MRPL1: variants seen among roughly 807,000 people sequenced by gnomAD.
MRPL1 encodes large ribosomal subunit protein uL1m.
MRPL1 carries 28 observed loss-of-function variants against 38.0 expected under a neutral mutation model. The ratio of observed to expected loss-of-function variants is 0.74; its 90% CI spans 0.55 to 1.01. MRPL1 has a LOEUF of 1.01. Ranked by LOEUF, MRPL1 falls within the 50% of genes least tolerant of loss-of-function variation. The pLI, the probability that MRPL1 is intolerant of heterozygous loss-of-function variation, is 0.00. For missense variants in MRPL1, 358 were observed against 389.8 expected (o/e 0.92, Z 0.69); for synonymous variants, 123 against 126.7 (o/e 0.97, Z 0.20).
chr4:77,951,314 C>G (rs1221923990), intron 8 of MRPL1, among the ~76,000 whole-genome samples: 1 of 152,188 alleles, frequency 6.6e-6, no homozygotes, highest in Non-Finnish European at 1.5e-5. Flanking sequence ...ACATTTCCAT[C>G]AAATGTAAAT....
chr4:77,931,223 G>A (rs1342403107), intron 7 of MRPL1, among the ~76,000 whole-genome samples: 1 of 152,204 alleles, frequency 6.6e-6, no homozygotes, highest in Non-Finnish European at 1.5e-5. Flanking sequence ...AAGAACAGAA[G>A]CAATTATTGA....
intron 5 of MRPL1, among the ~76,000 whole-genome samples, chr4:77,887,863 AT>A (rs1199164455): frequency 6.6e-6 from 1 of 151,798 alleles, no homozygotes; most frequent in Non-Finnish European, 1.5e-5. Flanking sequence ...TATTGTGATT[AT>A]TATTATTATT....
chr4:77,907,892 C>CTTTTT (rs537450784), intron 6 of MRPL1, among the ~76,000 whole-genome samples: 4 of 139,186 alleles, frequency 2.9e-5, no homozygotes, highest in African/African-American at 5.3e-5. Context: ...CTTTTCTTTT[C>CTTTTT]TTTTTTTTTT....
At chr4:77,952,416 G>A in intron 8 of MRPL1, 73 bp from the exon 9 acceptor site, 2 of 1,005,868 alleles carry the variant, frequency 2.0e-6, no homozygotes, top group Non-Finnish European at 3.1e-6. Context: ...TATTAAGTGA[G>A]GACCTACTTT....
At chr4:77,904,667 A>G (rs1006966841) in intron 6 of MRPL1, among the ~76,000 whole-genome samples, 5 of 152,232 alleles carry the variant, frequency 3.3e-5, no homozygotes, top group African/African-American at 1.2e-4. Flanking sequence ...GTGGTATGGT[A>G]TAAAGGATAA....
At chr4:77,897,725 TA>T (rs1735949131) in intron 6 of MRPL1, among the ~76,000 whole-genome samples, 2 of 152,262 alleles carry the variant, frequency 1.3e-5, no homozygotes, top group Non-Finnish European at 1.5e-5. Context: ...GTAGCATTTT[TA>T]ACTCATAGAA....
At position 77,936,984 on chromosome 4, in the gene MRPL1, G is replaced by C. The variant is rs1284086774; in HGVS notation, c.778-12813G>C. Among the ~76,000 whole-genome samples, 4 of 152,092 alleles carry C rather than the reference G, an allele frequency of 2.6e-5. No individual in the cohort carries two copies. The East Asian group carries it at 5.8e-4, about 22-fold the overall frequency. On this transcript the variant is annotated intron_variant, in intron 7 of 8. Coordinates refer to ENST00000315567, the MANE Select transcript of MRPL1 (RefSeq NM_020236.4). ...TATAAAAATTTTAAAAATTAGCCCA[G>C]CGTGGTGGCGCATGCCTGTGGTCCT... is the stretch of plus-strand genomic sequence containing the variant.
intron 2 of MRPL1, among the ~76,000 whole-genome samples, chr4:77,877,209 G>GT (rs1292920931): frequency 2.0e-5 from 3 of 152,116 alleles, no homozygotes; most frequent in Admixed American, 6.6e-5. Context: ...CTGACAATGG[G>GT]TTTTTTTCTT....
intron 5 of MRPL1, among the ~76,000 whole-genome samples, chr4:77,891,965 A>G (rs1020841570): frequency 2.0e-5 from 3 of 152,072 alleles, no homozygotes; most frequent in African/African-American, 4.8e-5. Flanking sequence ...AAGCTAGTCC[A>G]TGTTATTTTT....
chr4:77,916,534 C>T (rs189270557), intron 7 of MRPL1, among the ~76,000 whole-genome samples: 1 of 152,190 alleles, frequency 6.6e-6, no homozygotes, highest in Middle Eastern at 3.4e-3. Flanking sequence ...AACCTAGGCA[C>T]CCTTATAAAA....
chr4:77,950,084 A>C (rs1400260779), intron 8 of MRPL1, among the ~76,000 whole-genome samples: 1 of 152,270 alleles, frequency 6.6e-6, no homozygotes, highest in East Asian at 1.9e-4. Context: ...TAGCATTAAT[A>C]AGGAATGCAT....
intron 6 of MRPL1, among the ~76,000 whole-genome samples, chr4:77,905,607 A>C (rs571391579): frequency 2.6e-5 from 4 of 152,232 alleles, no homozygotes; most frequent in African/African-American, 9.6e-5. Context: ...AAGAAGAAGG[A>C]ATATACAAGG....
At chr4:77,938,343 G>T (rs1737037199) in intron 7 of MRPL1, among the ~76,000 whole-genome samples, 1 of 152,210 alleles carries the variant, frequency 6.6e-6, no homozygotes, top group South Asian at 2.1e-4. Context: ...ACATAGATCA[G>T]ATATACCATT....
At chr4:77,928,922 T>C (rs920473155) in intron 7 of MRPL1, among the ~76,000 whole-genome samples, 1 of 152,222 alleles carries the variant, frequency 6.6e-6, no homozygotes, top group Non-Finnish European at 1.5e-5. Context: ...ATTTGAATAA[T>C]AGCATAAGAA....
chr4:77,876,347 A>T (rs1461339664), intron 2 of MRPL1, among the ~76,000 whole-genome samples: 1 of 152,156 alleles, frequency 6.6e-6, no homozygotes, highest in Non-Finnish European at 1.5e-5. Flanking sequence ...CTGCTCTGTA[A>T]ACATAGTTAT....
intron 5 of MRPL1, among the ~76,000 whole-genome samples, chr4:77,889,177 C>T (rs1426465956): frequency 1.3e-5 from 2 of 152,206 alleles, no homozygotes; most frequent in Admixed American, 6.5e-5. Context: ...ACAGAATATG[C>T]GTTCTTCTCA....
intron 5 of MRPL1, among the ~76,000 whole-genome samples, chr4:77,888,029 C>G (rs1439658559): frequency 6.6e-6 from 1 of 152,006 alleles, no homozygotes; most frequent in Admixed American, 6.6e-5. Flanking sequence ...TTTTGAAGAT[C>G]AAATATTTGT....
intron 1 of MRPL1, among the ~76,000 whole-genome samples, chr4:77,870,976 G>A (rs1203567142): frequency 3.3e-5 from 5 of 152,094 alleles, no homozygotes; most frequent in African/African-American, 1.2e-4. Flanking sequence ...CTGTGTTAAT[G>A]TCTTATTTAT....
chr4:77,932,469 A>G (rs1409281686), intron 7 of MRPL1, among the ~76,000 whole-genome samples: 4 of 152,156 alleles, frequency 2.6e-5, no homozygotes, highest in Admixed American at 6.5e-5. Context: ...AAATCTCCAT[A>G]TGTTCTGGAT....
Sources: allele counts gnomAD v4.1 joint callset (sites outside exome capture counted in the v4.1 genomes callset), GRCh38; gene constraint gnomAD v4.1.1; transcripts MANE v1.5; gene names NCBI Gene and HGNC (gene_info 2026-07-23, HGNC 2026-07-21).